The following BAZ2B variants were observed in gnomAD, a reference collection of about 807,000 sequenced individuals.
BAZ2B encodes bromodomain adjacent to zinc finger domain protein 2B.
In BAZ2B, 91 loss-of-function variants were observed where a neutral mutation model predicts 246.0. That is an observed-to-expected ratio of 0.37 (90% CI 0.31 to 0.44). BAZ2B has a LOEUF of 0.44. Among genes scored for constraint, BAZ2B ranks in the 20% least tolerant of loss-of-function variants. The pLI is 1.00. For synonymous variants in BAZ2B, 855 were observed against 860.0 expected (o/e 0.99, Z 0.10); for missense variants, 2,332 against 2,533.7 (o/e 0.92, Z 1.71).
At chr2:159,550,991 A>G (rs2088102433) in intron 2 of BAZ2B, among the ~76,000 whole-genome samples, 1 of 152,076 alleles carries the variant, frequency 6.6e-6, no homozygotes, top group Non-Finnish European at 1.5e-5. Flanking sequence ...TTGAGCCACC[A>G]TGCCTAGCTG....
At chr2:159,590,751 C>A (rs969037464) in intron 1 of BAZ2B, among the ~76,000 whole-genome samples, 15 of 152,006 alleles carry the variant, frequency 9.9e-5, no homozygotes, top group Admixed American at 6.6e-4. Flanking sequence ...TGGGGGTGGG[C>A]ACGGTAGAAT....
intron 2 of BAZ2B, among the ~76,000 whole-genome samples, chr2:159,513,202 A>G (rs773774848): frequency 9.9e-5 from 15 of 152,230 alleles, no homozygotes; most frequent in Non-Finnish European, 2.1e-4. Context: ...AAATACTCTT[A>G]AAACTTGACT....
intron 1 of BAZ2B, among the ~76,000 whole-genome samples, chr2:159,562,791 AG>A (rs1267288171): frequency 6.6e-6 from 1 of 152,170 alleles, no homozygotes; most frequent in East Asian, 1.9e-4. Context: ...AGAAATTTTT[AG>A]TTTTTTATAC....
intron 2 of BAZ2B, among the ~76,000 whole-genome samples, chr2:159,499,698 T>C (rs1043984524): frequency 1.3e-5 from 2 of 152,216 alleles, no homozygotes; most frequent in African/African-American, 4.8e-5. Flanking sequence ...TTTTTGACTT[T>C]TTAATAATAG....
rs575200626 is a variant in BAZ2B at position 159,432,848 on chromosome 2, A to C, written c.1809T>G (p.Asp603Glu). The C allele has an allele frequency of 1.9e-5, 30 of 1,614,010 alleles. No individual in the cohort carries two copies. The Middle Eastern group carries it at 9.9e-4, about 53-fold the overall frequency. Residue 603 changes from aspartate (D) to glutamate (E), a missense_variant, in exon 9 of 37, where the codon GAT becomes GAG. By Grantham distance (45) the Asp-to-Glu change is conservative (BLOSUM62 2). Around this residue, in one of 9 missense-constraint regions of BAZ2B, gnomAD observed 651 missense variants for 650.9 expected, o/e 1.00. Transcript: ENST00000392783. ...CTTCATCCTCATTTGAATCTTCAGAATCTTTACTACTGGGAATGTCTGAAT... is the reference window on the plus strand; with the variant it reads ...CTTCATCCTCATTTGAATCTTCAGACTCTTTACTACTGGGAATGTCTGAAT... The part of the protein sequence containing the change: ...GTDSDIPSSK[D>E]SEDSNEDEEE...
intron 8 of BAZ2B, among the ~76,000 whole-genome samples, chr2:159,435,989 T>C (rs144939928): frequency 6.6e-6 from 1 of 152,220 alleles, no homozygotes; most frequent in Admixed American, 6.5e-5. Flanking sequence ...AATTATTCAG[T>C]AAATTCTAGA....
chr2:159,595,748 G>A (rs1690541332), intron 1 of BAZ2B, among the ~76,000 whole-genome samples: 1 of 152,222 alleles, frequency 6.6e-6, no homozygotes, highest in South Asian at 2.1e-4. Flanking sequence ...AACAAGCGGA[G>A]GTACTATCAG....
At chr2:159,704,328 A>G in the BAZ2B span, among the ~76,000 whole-genome samples, 1 of 152,220 alleles carries the variant, frequency 6.6e-6, no homozygotes. Context: ...GGAATAGTGG[A>G]AAAAATAAGT....
intron 2 of BAZ2B, among the ~76,000 whole-genome samples, chr2:159,499,275 T>C (rs890856564): frequency 3.3e-5 from 5 of 152,162 alleles, no homozygotes; most frequent in African/African-American, 9.7e-5. Context: ...AAACATGCCA[T>C]GTTTGATTTT....
chr2:159,382,463 C>G, intron 25 of BAZ2B, 96 bp downstream of exon 25: 1 of 1,302,170 alleles, frequency 7.7e-7, no homozygotes, highest in Non-Finnish European at 1.0e-6. Flanking sequence ...AATGTCAAAA[C>G]TGAATTCAAA....
At chr2:159,384,025 G>A (rs1425636183) in intron 23 of BAZ2B, among the ~76,000 whole-genome samples, 1 of 151,882 alleles carries the variant, frequency 6.6e-6, no homozygotes, top group Admixed American at 6.6e-5. Context: ...CAAAATCAAA[G>A]CAGGATACCA....
intron 2 of BAZ2B, among the ~76,000 whole-genome samples, chr2:159,491,417 T>C (rs1306323379): frequency 6.6e-6 from 1 of 152,110 alleles, no homozygotes; most frequent in Non-Finnish European, 1.5e-5. Context: ...CTCTAATTGA[T>C]GAGTATTAAA....
chr2:159,377,337 G>A (rs2061508321), intron 25 of BAZ2B, among the ~76,000 whole-genome samples: 1 of 152,150 alleles, frequency 6.6e-6, no homozygotes, highest in African/African-American at 2.4e-5. Context: ...TGATGTGTCT[G>A]CCAGTTCTTT....
At chr2:159,590,229 A>AAAC (rs1282093483) in intron 1 of BAZ2B, among the ~76,000 whole-genome samples, 5 of 110,098 alleles carry the variant, frequency 4.5e-5, no homozygotes, top group South Asian at 3.0e-4. Flanking sequence ...AAAAAAAAAA[A>AAAC]AACAACCCAG....
At chr2:159,414,140 G>C (rs779924772) in intron 13 of BAZ2B, among the ~76,000 whole-genome samples, 1 of 152,196 alleles carries the variant, frequency 6.6e-6, no homozygotes, top group African/African-American at 2.4e-5. Context: ...AGAATATCAC[G>C]TTAAGTGAAA....
Position 159,518,906 on chromosome 2 carries a change from G to A in BAZ2B, c.-3+36917C>T, listed in dbSNP as rs141823754. ...ATGTAATTTACAAACAAGCTCCAAA[G>A]CATTCTCTAGGACTTAGAATTGAGA... On this transcript the variant is annotated intron_variant, in intron 2 of 36. Transcript: ENST00000392783. 4.0e-4 allele frequency among the ~76,000 whole-genome samples: 61 copies of A among 152,188 alleles called. 1 individual carries two copies. The highest frequency in any genetic ancestry group is 1.4e-3 in the African/African-American group (58 of 41,504).
intron 3 of BAZ2B, among the ~76,000 whole-genome samples, chr2:159,475,415 T>C (rs1428805429): frequency 6.6e-6 from 1 of 152,222 alleles, no homozygotes; most frequent in Non-Finnish European, 1.5e-5. Flanking sequence ...TCATTTATGT[T>C]CTTCTCTAAT....
chr2:159,610,848 A>C (rs1303618555), intron 1 of BAZ2B, among the ~76,000 whole-genome samples: 1 of 152,132 alleles, frequency 6.6e-6, no homozygotes, highest in Non-Finnish European at 1.5e-5. Context: ...TCATATTCTT[A>C]TAAAACCCTA....
chr2:159,488,813 T>G (rs2080128729), intron 2 of BAZ2B, among the ~76,000 whole-genome samples: 1 of 152,202 alleles, frequency 6.6e-6, no homozygotes, highest in South Asian at 2.1e-4. Flanking sequence ...AAATCTATCC[T>G]TGATGATACT....
Sources: gnomAD v4.1 joint callset for allele counts (sites outside exome capture counted in the v4.1 genomes callset) on GRCh38, gnomAD v4.1.1 for gene constraint, gnomAD v4.1.1 regional missense constraint, MANE v1.5 for transcripts, NCBI Gene and HGNC (gene_info 2026-07-23, HGNC 2026-07-21) for gene names.